PLAT: variants seen among roughly 807,000 people sequenced by gnomAD.
PLAT encodes tissue-type plasminogen activator.
PLAT carries 48 observed loss-of-function variants against 74.9 expected under a neutral mutation model. The ratio of observed to expected loss-of-function variants is 0.64; its 90% CI spans 0.51 to 0.82. PLAT has a LOEUF of 0.82. Ranked by LOEUF, PLAT falls within the 40% of genes least tolerant of loss-of-function variation. The pLI is 0.00. For missense variants in PLAT, 673 were observed against 736.2 expected, an observed-to-expected ratio of 0.91 and a Z score of 0.99; for synonymous variants, 307 against 294.4, an observed-to-expected ratio of 1.04 and a Z score of -0.44.
intron 1 of PLAT, among the ~76,000 whole-genome samples, chr8:42,197,142 G>C (rs1805941485): frequency 6.6e-6 from 1 of 152,192 alleles, no homozygotes; most frequent in Non-Finnish European, 1.5e-5. Context: ...CAAAGAATCT[G>C]TGCAAATTAG....
At chr8:42,179,375 G>C (rs928101430) in intron 12 of PLAT, among the ~76,000 whole-genome samples, 1 of 151,610 alleles carries the variant, frequency 6.6e-6, no homozygotes, top group East Asian at 2.0e-4. Flanking sequence ...GAAGGCCGGC[G>C]TTAACCCTCA....
At chr8:42,195,810 T>C (rs551671637) in intron 1 of PLAT, 41 of 152,306 alleles carry the variant, frequency 2.7e-4, no homozygotes, top group African/African-American at 9.1e-4. Context: ...CATGTATCTC[T>C]AGGTTGCCCC....
chr8:42,178,882 G>T lies in PLAT; in HGVS notation c.1530+15C>A. 1 of 1,611,614 alleles carries T rather than the reference G, an allele frequency of 6.2e-7. No homozygotes were observed. The highest frequency in any genetic ancestry group is 1.3e-5 in the African/African-American group (1 of 74,986). Reference sequence around the variant, plus strand: ...CCTGGGTTGTGCCCAGCATGGGCGCGCCACTCCTGGTTACCTGGCAGGCGT... The same window carrying T: ...CCTGGGTTGTGCCCAGCATGGGCGCTCCACTCCTGGTTACCTGGCAGGCGT... On this transcript the variant is annotated intron_variant, in intron 13 of 13. Coordinates refer to ENST00000220809, the MANE Select transcript of PLAT (RefSeq NM_000930.5).
Position 42,179,965 on chromosome 8 carries a change from T to C in PLAT, c.1324A>G (p.Thr442Ala), listed in dbSNP as rs201544156. The part of the protein sequence containing the change: ...PPADLQLPDW[T>A]ECELSGYGKH... ...CCGTAGCCGGAGAGCTCACACTCCG[T>C]CCAGTCCGGCAGCTGCAGGTCCGCC... Residue 442 changes from threonine to alanine, a missense_variant, in exon 12 of 14, where the codon ACG becomes GCG. Thr to Ala is a moderately conservative substitution (Grantham distance 58). Coordinates refer to ENST00000220809, the MANE Select transcript of PLAT (RefSeq NM_000930.5). 2 of 1,608,300 alleles carry C rather than the reference T, an allele frequency of 1.2e-6. No homozygotes were observed. The highest frequency in any genetic ancestry group is 2.2e-5 in the East Asian group (1 of 44,720).
At chr8:42,202,841 A>G (rs1256252065) in intron 1 of PLAT, among the ~76,000 whole-genome samples, 1 of 152,162 alleles carries the variant, frequency 6.6e-6, no homozygotes, top group Non-Finnish European at 1.5e-5. Context: ...TCTGGAATGC[A>G]TAACACAGAA....
At chr8:42,181,878 G>A (rs1805254909) in intron 9 of PLAT, 59 bp downstream of exon 9, 25 of 993,398 alleles carry the variant, frequency 2.5e-5, no homozygotes, top group Middle Eastern at 2.1e-4. Flanking sequence ...AGAAAGTGGC[G>A]AGGAGATGGT....
rs1587937752 is a variant in PLAT at position 42,191,240 on chromosome 8, T to C, written c.115+132A>G. 4 of 751,668 alleles carry C rather than the reference T, an allele frequency of 5.3e-6. No individual in the cohort carries two copies. The East Asian group carries it at 1.0e-4, about 19-fold the overall frequency. The allele number at this position is 751,668 out of a possible 1,614,324, so 46.6% of individuals were successfully genotyped here. A position where few individuals can be genotyped will look rare whatever the true frequency, so the allele number is the denominator to read the frequency against. ...CGACACAGGCATCTCTGTAGAATCATGCTGCAATGGCACTGTCACACCGTA... is the reference window on the plus strand; with the variant it reads ...CGACACAGGCATCTCTGTAGAATCACGCTGCAATGGCACTGTCACACCGTA... On this transcript the variant is annotated intron_variant, in intron 3 of 13. Coordinates refer to ENST00000220809, the MANE Select transcript of PLAT (RefSeq NM_000930.5).
At position 42,187,560 on chromosome 8, in the gene PLAT, G is replaced by T. The variant is rs747219199; in HGVS notation, c.377C>A (p.Thr126Lys). Reference sequence around the variant, plus strand: ...GCTGATGCCCTGGTCCTCGTAGCACGTGGCCCTGGTATCTGACAGAGAGCA... The same window carrying T: ...GCTGATGCCCTGGTCCTCGTAGCACTTGGCCCTGGTATCTGACAGAGAGCA... The part of the protein sequence containing the change: ...GKCCEIDTRA[T>K]CYEDQGISYR... The change falls in exon 6 of 14, where the codon ACG becomes AAG. Residue 126 changes from threonine (T) to lysine (K), a missense_variant. Coordinates refer to ENST00000220809, the MANE Select transcript of PLAT (RefSeq NM_000930.5). 2 of 1,597,848 alleles carry T rather than the reference G, an allele frequency of 1.3e-6. No homozygotes were observed. The highest frequency in any genetic ancestry group is 1.7e-6 in the Non-Finnish European group (2 of 1,170,044).
chr8:42,182,696 C>A, intron 8 of PLAT, 23 bp downstream of exon 8: 1 of 1,566,620 alleles, frequency 6.4e-7, no homozygotes, highest in Non-Finnish European at 8.7e-7. Context: ...AAGACCTGAA[C>A]CCCCCACCCC....
intron 6 of PLAT, chr8:42,186,027 A>C (rs959995210): frequency 6.6e-6 from 1 of 151,900 alleles, no homozygotes; most frequent in African/African-American, 2.4e-5. Flanking sequence ...ATAAATGTCT[A>C]TCTATCTAGT....
intron 9 of PLAT, 121 bp downstream of exon 9, chr8:42,181,816 A>C (rs1805252616): frequency 1.6e-5 from 4 of 253,920 alleles, no homozygotes; most frequent in Admixed American, 1.1e-4. Context: ...CTCCCCACCC[A>C]GCCTGGAAGT....
Position 42,201,729 on chromosome 8 carries a change from C to T in PLAT, c.-27+5765G>A, listed in dbSNP as rs8178877. 5.3e-3 allele frequency among the ~76,000 whole-genome samples: 812 copies of T among 152,302 alleles called. 4 individuals are homozygous for T. The highest frequency in any genetic ancestry group is 0.024 in the Middle Eastern group (7 of 294). ...CCATGCATGCAGAGGCCACTGTGGA[C>T]TCCCAGCAGAAGCCAGAACTAGCAG... is the stretch of plus-strand genomic sequence containing the variant. On this transcript the variant is annotated intron_variant, in intron 1 of 13. Coordinates refer to ENST00000220809, the MANE Select transcript of PLAT (RefSeq NM_000930.5).
intron 1 of PLAT, among the ~76,000 whole-genome samples, chr8:42,202,890 G>C (rs919639589): frequency 1.3e-5 from 2 of 152,180 alleles, no homozygotes; most frequent in African/African-American, 2.4e-5. Flanking sequence ...GGCAGACAGT[G>C]AAGGGGTCTG....
At chr8:42,206,425 T>C (rs1336270627) in intron 1 of PLAT, among the ~76,000 whole-genome samples, 2 of 152,218 alleles carry the variant, frequency 1.3e-5, no homozygotes, top group Non-Finnish European at 2.9e-5. Context: ...ATGAGCGTTC[T>C]TGCCACAGCA....
rs201969404 is a variant in PLAT at position 42,191,335 on chromosome 8, C to T, written c.115+37G>A. 40 of 1,594,996 alleles carry T rather than the reference C, an allele frequency of 2.5e-5. No homozygotes were observed. The East Asian group carries it at 8.5e-4, about 34-fold the overall frequency. ...ACCCTGCACCCCGCCCTGCCTCCCT[C>T]CCTGATGACCCCATGCACCCCTCAG... On this transcript the variant is annotated intron_variant, in intron 3 of 13. Coordinates refer to ENST00000220809, the MANE Select transcript of PLAT (RefSeq NM_000930.5).
chr8:42,203,621 C>T (rs1806214560), intron 1 of PLAT, among the ~76,000 whole-genome samples: 1 of 152,162 alleles, frequency 6.6e-6, no homozygotes, highest in Non-Finnish European at 1.5e-5. Context: ...ACAGAAGTTT[C>T]CCAAGTGGCA....
intron 3 of PLAT, among the ~76,000 whole-genome samples, chr8:42,191,018 C>T (rs1805660543): frequency 6.6e-6 from 1 of 152,178 alleles, no homozygotes; most frequent in Non-Finnish European, 1.5e-5. Context: ...GCTGTGTGAC[C>T]CTGGGCAAGC....
chr8:42,203,986 T>TACACACACACACAC (rs1395910660), intron 1 of PLAT, among the ~76,000 whole-genome samples: 1 of 120,054 alleles, frequency 8.3e-6, no homozygotes, highest in African/African-American at 5.6e-5. Flanking sequence ...TATATATATA[T>TACACACACACACAC]ATATATACAC....
At chr8:42,177,006 C>G (rs907136606) in intron 13 of PLAT, among the ~76,000 whole-genome samples, 1 of 151,866 alleles carries the variant, frequency 6.6e-6, no homozygotes, top group East Asian at 1.9e-4. Context: ...GACAGAGTCT[C>G]ACTCTGTCAC....
Sources: gnomAD v4.1 joint callset for allele counts (sites outside exome capture counted in the v4.1 genomes callset) on GRCh38, gnomAD v4.1.1 for gene constraint, MANE v1.5 for transcripts, NCBI Gene and HGNC (gene_info 2026-07-23, HGNC 2026-07-21) for gene names.